Variants in CAMK1D observed in about 807,000 individuals in gnomAD.
CAMK1D encodes calcium/calmodulin-dependent protein kinase type 1D.
CAMK1D carries 9 observed loss-of-function variants against 47.7 expected under a neutral mutation model. That is an observed-to-expected ratio of 0.19 (90% CI 0.11 to 0.33). CAMK1D has a LOEUF of 0.33. Among genes scored for constraint, CAMK1D ranks in the 10% least tolerant of loss-of-function variants. The probability of loss-of-function intolerance (pLI) is 1.00; values close to 1 mark genes in which losing one functional copy is unlikely to be tolerated. For missense variants in CAMK1D, 291 were observed against 488.7 expected (o/e 0.60, Z 3.81); for synonymous variants, 184 against 184.9 (o/e 0.99, Z 0.04).
intron 4 of CAMK1D, among the ~76,000 whole-genome samples, chr10:12,766,930 G>C (rs1836790051): frequency 1.3e-5 from 2 of 152,122 alleles, no homozygotes; most frequent in African/African-American, 4.8e-5. Context: ...GGTCAAGGAG[G>C]GAGTCTTGGT....
At position 12,814,238 on chromosome 10, in the gene CAMK1D, C is replaced by A. The variant is rs757343559; in HGVS notation, c.685C>A (p.Leu229Ile). 1 of 1,613,920 alleles carries A rather than the reference C, an allele frequency of 6.2e-7. No individual in the cohort carries two copies. Among genetic ancestry groups the A allele is most frequent in the Non-Finnish European group, 8.5e-7 (1 of 1,179,924 alleles). The change falls in exon 7 of 11, where the codon CTC becomes ATC. Residue 229 changes from leucine to isoleucine, a missense_variant. Around this residue, in one of 2 missense-constraint regions of CAMK1D, gnomAD observed 219 missense variants for 424.3 expected, o/e 0.52. Transcript: ENST00000619168. Reference sequence around the variant, plus strand: ...TTTTTATGATGAAAATGACTCCAAGCTCTTTGAGCAGATCCTCAAGGCGGA... The same window carrying A: ...TTTTTATGATGAAAATGACTCCAAGATCTTTGAGCAGATCCTCAAGGCGGA... ...PPFYDENDSK[L>I]FEQILKAEYE...
chr10:12,557,564 A>AAAAAAAG (rs1564410448), intron 2 of CAMK1D, among the ~76,000 whole-genome samples: 2 of 151,558 alleles, frequency 1.3e-5, no homozygotes. Context: ...AAAAAAAAAA[A>AAAAAAAG]AAAAAAGAAA....
At chr10:12,665,450 T>G (rs1046535690) in intron 2 of CAMK1D, among the ~76,000 whole-genome samples, 2 of 152,226 alleles carry the variant, frequency 1.3e-5, no homozygotes, top group Non-Finnish European at 1.5e-5. Context: ...TCAATATCAT[T>G]CATTCATTCA....
chr10:12,669,959 C>T (rs1179718580), intron 3 of CAMK1D, among the ~76,000 whole-genome samples: 3 of 151,842 alleles, frequency 2.0e-5, no homozygotes, highest in East Asian at 1.9e-4. Context: ...GCCCAGTTGG[C>T]GGACTCTATC....
At chr10:12,683,742 GT>G (rs1345268493) in intron 3 of CAMK1D, among the ~76,000 whole-genome samples, 7 of 4,070 alleles carry the variant, frequency 1.7e-3, no homozygotes, top group South Asian at 0.019. Flanking sequence ...AGGAATCCAG[GT>G]GTGTGTGTGT....
At chr10:12,710,903 TC>T (rs1170479142) in intron 3 of CAMK1D, among the ~76,000 whole-genome samples, 99 of 152,358 alleles carry the variant, frequency 6.5e-4, no homozygotes, top group African/African-American at 2.4e-3. Context: ...TGACATTTGA[TC>T]AATCACTATT....
intron 3 of CAMK1D, among the ~76,000 whole-genome samples, chr10:12,754,724 C>T (rs1258667615): frequency 6.6e-6 from 1 of 152,166 alleles, no homozygotes; most frequent in African/African-American, 2.4e-5. Context: ...GGCTTGCAGA[C>T]GGCTGTCTTC....
intron 5 of CAMK1D, among the ~76,000 whole-genome samples, chr10:12,772,887 C>T (rs1837105924): frequency 6.6e-6 from 1 of 152,048 alleles, no homozygotes; most frequent in South Asian, 2.1e-4. Context: ...GAAGGGGCTG[C>T]TTTGAAGAGC....
chr10:12,372,673 T>C (rs1440278180), intron 1 of CAMK1D, among the ~76,000 whole-genome samples: 2 of 152,184 alleles, frequency 1.3e-5, no homozygotes, highest in African/African-American at 4.8e-5. Context: ...GGCTGGATCA[T>C]GGCTCACTGC....
In CAMK1D at chr10:12,654,604, A is replaced by G. The variant is rs149238462; in HGVS notation, c.225-12132A>G. Among the ~76,000 whole-genome samples, 297 of 152,374 alleles carry G rather than the reference A, an allele frequency of 1.9e-3. 2 individuals carry two copies. Among genetic ancestry groups the G allele is most frequent in the Admixed American group, 4.0e-3 (61 of 15,304 alleles). ...TTGCTAAGAAATATTAGTTGCTAAT[A>G]CTATTATACTTGCTAAGAAATGTTA... On this transcript the variant is annotated intron_variant, in intron 2 of 10. Transcript: ENST00000619168.
chr10:12,742,322 A>G (rs539651945), intron 3 of CAMK1D, among the ~76,000 whole-genome samples: 15 of 152,174 alleles, frequency 9.9e-5, no homozygotes, highest in Non-Finnish European at 1.8e-4. Context: ...TTTAGTAGAG[A>G]CGGGGTCTCA....
At chr10:12,420,788 C>T (rs897792993) in intron 1 of CAMK1D, among the ~76,000 whole-genome samples, 5 of 152,078 alleles carry the variant, frequency 3.3e-5, no homozygotes, top group African/African-American at 4.8e-5. Context: ...ATGAAATGTT[C>T]GATGTGTTTT....
chr10:12,739,424 T>C (rs1240236930), intron 3 of CAMK1D, among the ~76,000 whole-genome samples: 1 of 151,028 alleles, frequency 6.6e-6, no homozygotes, highest in South Asian at 2.1e-4. Context: ...TACAGGTGCA[T>C]GCCACCACAC....
chr10:12,736,763 C>A (rs1005682682), intron 3 of CAMK1D, among the ~76,000 whole-genome samples: 3 of 152,156 alleles, frequency 2.0e-5, no homozygotes, highest in African/African-American at 7.2e-5. Context: ...CCAGAGCCAG[C>A]GTGGTATTTA....
At chr10:12,354,634 T>C (rs1431032977) in intron 1 of CAMK1D, among the ~76,000 whole-genome samples, 2 of 151,796 alleles carry the variant, frequency 1.3e-5, no homozygotes, top group Non-Finnish European at 2.9e-5. Context: ...ACGGTCTCGA[T>C]CTCCTGACCT....
At position 12,695,976 on chromosome 10, in the gene CAMK1D, G is replaced by A. The variant is rs1833278729; in HGVS notation, c.299+29166G>A. Reference sequence around the variant, plus strand: ...GCCTGTAGTCCCAGCTACTTGGGAGGCTGAGGCAGGAGAATCGCTTGAACC... The same window carrying A: ...GCCTGTAGTCCCAGCTACTTGGGAGACTGAGGCAGGAGAATCGCTTGAACC... On this transcript the variant is annotated intron_variant, in intron 3 of 10. Transcript: ENST00000619168. 3.9e-5 allele frequency among the ~76,000 whole-genome samples: 6 copies of A among 152,168 alleles called. No homozygotes were observed. The South Asian group carries it at 1.2e-3, about 32-fold the overall frequency.
chr10:12,731,592 G>C (rs946814462), intron 3 of CAMK1D, among the ~76,000 whole-genome samples: 1 of 152,216 alleles, frequency 6.6e-6, no homozygotes, highest in Non-Finnish European at 1.5e-5. Flanking sequence ...CCATGGCTTT[G>C]CCAAGTAAAT....
intron 3 of CAMK1D, among the ~76,000 whole-genome samples, chr10:12,745,084 G>T (rs986305594): frequency 6.6e-6 from 1 of 152,244 alleles, no homozygotes; most frequent in South Asian, 2.1e-4. Flanking sequence ...AGGCTGGAGC[G>T]CAATGGCGCA....
intron 5 of CAMK1D, among the ~76,000 whole-genome samples, chr10:12,776,851 G>A (rs572830244): frequency 3.3e-5 from 5 of 152,322 alleles, no homozygotes; most frequent in African/African-American, 9.6e-5. Flanking sequence ...AATAGAGGGT[G>A]AGAAAAGACC....
Sources: gnomAD v4.1 joint callset for allele counts (sites outside exome capture counted in the v4.1 genomes callset) on GRCh38, gnomAD v4.1.1 for gene constraint, gnomAD v4.1.1 regional missense constraint, MANE v1.5 for transcripts, NCBI Gene and HGNC (gene_info 2026-07-23, HGNC 2026-07-21) for gene names.